The following XKR4 variants were observed in gnomAD, a reference collection of about 807,000 sequenced individuals.
The protein encoded by XKR4 is XK related 4, also known as XK-related protein 4.
Under a neutral mutation model 53.9 loss-of-function variants are expected in XKR4, and 12 were observed. The observed-to-expected ratio is 0.22, with a 90% confidence interval of 0.14 to 0.36. XKR4 has a LOEUF of 0.36. Ranked by LOEUF, XKR4 falls within the 10% of genes least tolerant of loss-of-function variation. The pLI is 1.00. For missense variants in XKR4, 799 were observed against 859.5 expected, an observed-to-expected ratio of 0.93 and a Z score of 0.88; for synonymous variants, 354 against 362.4, an observed-to-expected ratio of 0.98 and a Z score of 0.26.
Position 55,278,335 on chromosome 8 carries a change from TAA to T in XKR4, c.807-79326_807-79325del, listed in dbSNP as rs202025635. ...CTGGGTAACAGAGCAAGATCCTGTC[TAA>T]AAAAAAAAAAAAAAAAGCATACATC... On this transcript the variant is annotated intron_variant, in intron 1 of 2. Transcript: ENST00000327381. 4.7e-3 allele frequency among the ~76,000 whole-genome samples: 575 copies of T among 123,558 alleles called. 7 individuals are homozygous for T. Among genetic ancestry groups the T allele is most frequent in the Middle Eastern group, 0.042 (10 of 238 alleles). 81.1% of individuals were successfully genotyped at this position (123,558 alleles called of 152,430 possible).
chr8:55,239,279 T>C (rs2129368006), intron 1 of XKR4, among the ~76,000 whole-genome samples: 1 of 152,338 alleles, frequency 6.6e-6, no homozygotes, highest in East Asian at 1.9e-4. Context: ...AAGTATCTTG[T>C]TGTTTGGTCA....
chr8:55,361,601 T>C (rs1299176482), intron 2 of XKR4, among the ~76,000 whole-genome samples: 1 of 151,998 alleles, frequency 6.6e-6, no homozygotes, highest in Non-Finnish European at 1.5e-5. Context: ...GCCCTCTTCC[T>C]TCCCTTCTCC....
At chr8:55,501,508 A>G (rs1206948415) in intron 2 of XKR4, among the ~76,000 whole-genome samples, 5 of 152,104 alleles carry the variant, frequency 3.3e-5, no homozygotes, top group African/African-American at 1.2e-4. Context: ...TTCTATCTCT[A>G]TGAATATGAC....
chr8:55,509,905 T>C (rs1806601566), intron 2 of XKR4, among the ~76,000 whole-genome samples: 1 of 152,230 alleles, frequency 6.6e-6, no homozygotes, highest in Non-Finnish European at 1.5e-5. Flanking sequence ...TGTGAGGTTC[T>C]TTCCTTTGGG....
intron 2 of XKR4, among the ~76,000 whole-genome samples, chr8:55,424,176 T>C (rs1237126775): frequency 3.9e-5 from 6 of 152,184 alleles, no homozygotes; most frequent in Non-Finnish European, 7.4e-5. Flanking sequence ...TTCTTCAAAG[T>C]ACAACTTTCA....
At chr8:55,373,589 A>G (rs1356797335) in intron 2 of XKR4, among the ~76,000 whole-genome samples, 1 of 152,244 alleles carries the variant, frequency 6.6e-6, no homozygotes, top group Non-Finnish European at 1.5e-5. Flanking sequence ...TAGAGCCTTC[A>G]ATGAAGGGGC....
intron 1 of XKR4, among the ~76,000 whole-genome samples, chr8:55,174,470 G>A (rs984527647): frequency 3.9e-5 from 6 of 152,104 alleles, no homozygotes; most frequent in African/African-American, 1.4e-4. Context: ...GTATTTTGGA[G>A]CATCCGGGGC....
In XKR4 at chr8:55,133,056, G is replaced by A. The variant is rs556214019; in HGVS notation, c.806+29762G>A. The stretch of plus-strand genomic sequence containing the variant: ...TGAGGTTTGGACACCTTTGCGGGGT[G>A]GAGATGAGAGGAAAGAGAGAGAAAT... On this transcript the variant is annotated intron_variant, in intron 1 of 2. Coordinates refer to ENST00000327381, the MANE Select transcript of XKR4 (RefSeq NM_052898.2). Among the ~76,000 whole-genome samples the A allele has an allele frequency of 4.6e-5, 7 of 152,286 alleles. No individual in the cohort carries two copies. In the South Asian group the frequency reaches 1.5e-3, roughly 32 times the overall value.
At chr8:55,215,854 T>G (rs910001691) in intron 1 of XKR4, among the ~76,000 whole-genome samples, 5 of 152,162 alleles carry the variant, frequency 3.3e-5, no homozygotes, top group African/African-American at 1.2e-4. Flanking sequence ...TGCCCACTAG[T>G]GCTGATTTTG....
At chr8:55,249,743 A>G (rs891989666) in intron 1 of XKR4, among the ~76,000 whole-genome samples, 1 of 152,232 alleles carries the variant, frequency 6.6e-6, no homozygotes, top group Admixed American at 6.5e-5. Flanking sequence ...TGAGGTAGCC[A>G]TACTCAAATT....
At chr8:55,365,531 C>T (rs1033774633) in intron 2 of XKR4, among the ~76,000 whole-genome samples, 1 of 152,040 alleles carries the variant, frequency 6.6e-6, no homozygotes. Context: ...GTGGAGAAAC[C>T]CCGGCTCTAC....
chr8:55,519,002 A>G (rs1806757679), intron 2 of XKR4, among the ~76,000 whole-genome samples: 1 of 152,206 alleles, frequency 6.6e-6, no homozygotes, highest in Non-Finnish European at 1.5e-5. Flanking sequence ...AGGAGATGGA[A>G]TCCAGAGAAA....
In XKR4 at chr8:55,138,220, C is replaced by T. The variant is rs115470934; in HGVS notation, c.806+34926C>T. Among the ~76,000 whole-genome samples, 464 of 152,108 alleles carry T rather than the reference C, an allele frequency of 3.1e-3. 4 individuals carry two copies. Among genetic ancestry groups the T allele is most frequent in the African/African-American group, 0.011 (451 of 41,508 alleles). ...GTTACTCCTTTATTGATATTTAGCT[C>T]ATTTATGTAAGTTTGCCAGCTCAAG... On this transcript the variant is annotated intron_variant, in intron 1 of 2. Coordinates refer to ENST00000327381, the MANE Select transcript of XKR4 (RefSeq NM_052898.2).
chr8:55,449,570 TG>T, intron 2 of XKR4: 1 of 1,458,938 alleles, frequency 6.9e-7, no homozygotes, highest in Non-Finnish European at 9.6e-7. Context: ...GGGCACGTCC[TG>T]GGCACAAAAG....
At chr8:55,209,229 T>TG (rs1817693521) in intron 1 of XKR4, among the ~76,000 whole-genome samples, 4 of 82,932 alleles carry the variant, frequency 4.8e-5, no homozygotes, top group African/African-American at 1.7e-4. Flanking sequence ...GTGTGTGTGT[T>TG]ATTCTTCTCT....
Position 55,501,872 on chromosome 8 carries a change from C to G in XKR4, c.1007-21409C>G, listed in dbSNP as rs550716375. 2.0e-5 allele frequency among the ~76,000 whole-genome samples: 3 copies of G among 152,222 alleles called. No individual in the cohort carries two copies. The East Asian group carries it at 5.8e-4, about 29-fold the overall frequency. On this transcript the variant is annotated intron_variant, in intron 2 of 2. Coordinates refer to ENST00000327381, the MANE Select transcript of XKR4 (RefSeq NM_052898.2). Reference sequence around the variant, plus strand: ...CCCTCAGTATCCACGGGGGACTGGTCCCAGGACCCCCTGGGATAGCAGAAT... The same window carrying G: ...CCCTCAGTATCCACGGGGGACTGGTGCCAGGACCCCCTGGGATAGCAGAAT...
In XKR4 at chr8:55,246,608, G is replaced by GT. The variant is rs548525204; in HGVS notation, c.807-111065dup. Among the ~76,000 whole-genome samples the GT allele has an allele frequency of 5.9e-5, 9 of 152,040 alleles. No homozygotes were observed. The South Asian group carries it at 1.9e-3, about 32-fold the overall frequency. ...ACTAATAGCATGCACGTTTTCCTTT[G>GT]TTTTTCAATCTGGGATGGATAAAGC... On this transcript the variant is annotated intron_variant, in intron 1 of 2. Coordinates refer to ENST00000327381, the MANE Select transcript of XKR4 (RefSeq NM_052898.2).
intron 1 of XKR4, among the ~76,000 whole-genome samples, chr8:55,183,422 T>A (rs1817339714): frequency 6.6e-6 from 1 of 152,028 alleles, no homozygotes; most frequent in African/African-American, 2.4e-5. Flanking sequence ...ATTTTTATGA[T>A]GTATGTTCAT....
intron 2 of XKR4, chr8:55,451,589 G>T (rs779629369): frequency 3.0e-5 from 40 of 1,316,412 alleles, no homozygotes; most frequent in Non-Finnish European, 3.9e-5. Flanking sequence ...CGCCGGATGC[G>T]CCAGCAGACA....
Sources: allele counts gnomAD v4.1 joint callset (sites outside exome capture counted in the v4.1 genomes callset), GRCh38; gene constraint gnomAD v4.1.1; transcripts MANE v1.5; gene names NCBI Gene and HGNC (gene_info 2026-07-23, HGNC 2026-07-21).